Variants in RRM2 observed in about 807,000 individuals in gnomAD.
RRM2 encodes the protein ribonucleotide reductase regulatory subunit M2.
RRM2 carries 6 observed loss-of-function variants against 45.9 expected under a neutral mutation model. That is an observed-to-expected ratio of 0.13 (90% CI 0.07 to 0.26). The LOEUF is 0.26. Ranked by LOEUF, RRM2 falls within the 10% of genes least tolerant of loss-of-function variation. The pLI is 1.00. For missense variants in RRM2, 343 were observed against 489.5 expected (o/e 0.70, Z 2.82); for synonymous variants, 177 against 173.0 (o/e 1.02, Z -0.18).
intron 3 of RRM2, among the ~76,000 whole-genome samples, chr2:10,207,454 C>T (rs1056523633): frequency 6.6e-6 from 1 of 152,156 alleles, no homozygotes; most frequent in Non-Finnish European, 1.5e-5. Flanking sequence ...TATCCTACTA[C>T]CCTGGGGATA....
intron 3 of RRM2, chr2:10,142,486 C>G: frequency 1.8e-6 from 2 of 1,126,766 alleles, no homozygotes; most frequent in South Asian, 2.6e-5. Flanking sequence ...CCCCCACGCA[C>G]CCCTGCCAGG....
At chr2:10,182,180 A>T (rs907086064) in intron 3 of RRM2, among the ~76,000 whole-genome samples, 1 of 152,122 alleles carries the variant, frequency 6.6e-6, no homozygotes, top group African/African-American at 2.4e-5. Flanking sequence ...TCTACTAAAA[A>T]TACAGAGACT....
rs1572534126 is a variant in RRM2 at position 10,199,800 on chromosome 2, A to AAAAAAAAAAAAAAAAAAC, written n.483-10502_483-10501insAAAAAAAACAAAAAAAAA. ...GTCTCAAAAAAAAAAAAAAAAAAAAAAAAAAAAAACAAATCATGGTATGAC... is the reference window on the plus strand; with the variant it reads ...GTCTCAAAAAAAAAAAAAAAAAAAAAAAAAAAAAAAAAAAAAACAAAAAAAAACAAATCATGGTATGAC... On this transcript the variant is annotated intron_variant and non_coding_transcript_variant, in intron 3 of 3. Transcript: ENST00000381786. Among the ~76,000 whole-genome samples, 70 of 97,890 alleles carry AAAAAAAAAAAAAAAAAAC rather than the reference A, an allele frequency of 7.2e-4. 10 individuals are homozygous for AAAAAAAAAAAAAAAAAAC. Among genetic ancestry groups the AAAAAAAAAAAAAAAAAAC allele is most frequent in the East Asian group, 2.0e-3 (5 of 2,548 alleles). The allele number at this position is 97,890 out of a possible 152,430, so 64.2% of individuals were successfully genotyped here.
At chr2:10,142,978 G>A (rs769785768) in intron 3 of RRM2, among the ~76,000 whole-genome samples, 2 of 152,170 alleles carry the variant, frequency 1.3e-5, no homozygotes, top group Non-Finnish European at 2.9e-5. Context: ...GGTTCATGCC[G>A]TTCTCCGGCC....
At chr2:10,182,096 C>A (rs778434287) in intron 3 of RRM2, among the ~76,000 whole-genome samples, 1 of 151,982 alleles carries the variant, frequency 6.6e-6, no homozygotes, top group Non-Finnish European at 1.5e-5. Flanking sequence ...TGACATTGAG[C>A]AAATCATTTT....
At chr2:10,122,649 A>G, upstream of RRM2, 1 of 1,547,222 alleles carries the variant, frequency 6.5e-7, no homozygotes, top group Non-Finnish European at 8.7e-7. Flanking sequence ...GGCACAGCCA[A>G]TGGGAAGGGC....
intron 5 of RRM2, among the ~76,000 whole-genome samples, chr2:10,125,542 AAAAAT>A (rs1013302603): frequency 6.6e-6 from 1 of 152,206 alleles, no homozygotes; most frequent in Non-Finnish European, 1.5e-5. Context: ...CGTCTCTACT[AAAAAT>A]AAAAAAAGTG....
intron 3 of RRM2, among the ~76,000 whole-genome samples, chr2:10,186,009 G>C (rs1664155915): frequency 6.6e-6 from 1 of 152,240 alleles, no homozygotes; most frequent in Admixed American, 6.5e-5. Context: ...GTGGAGAAGA[G>C]CTAGCCTAAA....
rs1168269247 is a variant in RRM2 at position 10,130,201 on chromosome 2, C to T, written c.*815C>T. On this transcript the variant is annotated 3_prime_UTR_variant, in exon 10 of 10. Transcript: ENST00000304567. ...TGTGAGAAGCCGTTTCATTTTATTTCTCACTGTATTTTCCTCAACGTCTGG... is the reference window on the plus strand; with the variant it reads ...TGTGAGAAGCCGTTTCATTTTATTTTTCACTGTATTTTCCTCAACGTCTGG... 1 of 152,182 alleles carries T rather than the reference C, an allele frequency of 6.6e-6. No homozygotes were observed. The highest frequency in any genetic ancestry group is 1.5e-5 in the Non-Finnish European group (1 of 68,032). 9.4% of individuals were successfully genotyped at this position (152,182 alleles called of 1,614,324 possible).
chr2:10,197,254 G>C (rs756729875), intron 3 of RRM2, among the ~76,000 whole-genome samples: 1 of 152,248 alleles, frequency 6.6e-6, no homozygotes, highest in East Asian at 1.9e-4. Flanking sequence ...TCACAGCTCT[G>C]TGAAGGGTAA....
rs142373407 is a variant in RRM2 at position 10,182,139 on chromosome 2, A to C, written n.483-28172A>C. ...GTCCCTCCCCCAGGATCAGTTTGAG[A>C]CCAGCCTGGCCGACATGGTGAAACA... On this transcript the variant is annotated intron_variant and non_coding_transcript_variant, in intron 3 of 3. Coordinates refer to the RRM2 transcript ENST00000381786. 6.0e-3 allele frequency among the ~76,000 whole-genome samples: 907 copies of C among 151,996 alleles called. 11 individuals carry two copies. The highest frequency in any genetic ancestry group is 0.021 in the African/African-American group (857 of 41,432).
chr2:10,167,743 T>C (rs1031146857), intron 3 of RRM2, among the ~76,000 whole-genome samples: 2 of 152,162 alleles, frequency 1.3e-5, no homozygotes, highest in Admixed American at 6.5e-5. Context: ...CCAGAACTCT[T>C]CATGGCAGAG....
At chr2:10,128,751 T>G in intron 7 of RRM2, 97 bp from the exon 8 acceptor site, 1 of 850,050 alleles carries the variant, frequency 1.2e-6, no homozygotes, top group Non-Finnish European at 2.0e-6. Context: ...CTGAGCATGT[T>G]GGATAAGGAG....
intron 3 of RRM2, among the ~76,000 whole-genome samples, chr2:10,163,179 G>A (rs1297059599): frequency 1.3e-5 from 2 of 152,224 alleles, no homozygotes; most frequent in African/African-American, 4.8e-5. Flanking sequence ...TTGTGCCTGC[G>A]AAGGCTATTC....
chr2:10,146,938 A>G (rs1448318797), intron 3 of RRM2, among the ~76,000 whole-genome samples: 1 of 152,094 alleles, frequency 6.6e-6, no homozygotes, highest in Non-Finnish European at 1.5e-5. Flanking sequence ...TTTTAGATGT[A>G]TACTTTAGTT....
chr2:10,189,768 A>G (rs1473471552), intron 3 of RRM2, among the ~76,000 whole-genome samples: 1 of 152,256 alleles, frequency 6.6e-6, no homozygotes, highest in Non-Finnish European at 1.5e-5. Context: ...AAAGTCTTAC[A>G]TGAGGCATGG....
At chr2:10,140,462 G>A (rs1663059929), upstream of RRM2, among the ~76,000 whole-genome samples, 1 of 152,166 alleles carries the variant, frequency 6.6e-6, no homozygotes, top group Admixed American at 6.5e-5. Flanking sequence ...GATGAGCTCT[G>A]AGTAAGGCCT....
intron 3 of RRM2, among the ~76,000 whole-genome samples, chr2:10,166,855 C>T (rs1222633994): frequency 6.6e-6 from 1 of 152,228 alleles, no homozygotes; most frequent in Non-Finnish European, 1.5e-5. Flanking sequence ...ATGGTTTGCT[C>T]ATGGTCTCTC....
chr2:10,155,540 G>A (rs1171695321), intron 3 of RRM2: 1 of 152,502 alleles, frequency 6.6e-6, no homozygotes, highest in Non-Finnish European at 1.5e-5. Context: ...AATGAGGGGT[G>A]GGGTGGGTAT....
Sources: allele counts gnomAD v4.1 joint callset (sites outside exome capture counted in the v4.1 genomes callset), GRCh38; gene constraint gnomAD v4.1.1; transcripts MANE v1.5; gene names NCBI Gene and HGNC (gene_info 2026-07-23, HGNC 2026-07-21).